RALGPS1: variants seen among roughly 807,000 people sequenced by gnomAD.
The protein encoded by RALGPS1 is ras-specific guanine nucleotide-releasing factor RalGPS1.
RALGPS1 carries 19 observed loss-of-function variants against 78.8 expected under a neutral mutation model. That is an observed-to-expected ratio of 0.24 (90% CI 0.17 to 0.35). The LOEUF (loss-of-function observed/expected upper bound fraction) is 0.35, where lower values mean the gene tolerates loss of function less well. Ranked by LOEUF, RALGPS1 falls within the 10% of genes least tolerant of loss-of-function variation. The pLI, the probability that RALGPS1 is intolerant of heterozygous loss-of-function variation, is 1.00. For synonymous variants in RALGPS1, 228 were observed against 256.3 expected (o/e 0.89, Z 1.06); for missense variants, 454 against 688.3 (o/e 0.66, Z 3.81).
At chr9:127,138,168 C>CA (rs1182419575) in intron 8 of RALGPS1, among the ~76,000 whole-genome samples, 14 of 152,228 alleles carry the variant, frequency 9.2e-5, no homozygotes, top group Non-Finnish European at 1.8e-4. Context: ...TTCATTTCCA[C>CA]AGACTTAATG....
At chr9:127,043,736 C>A (rs770995018) in intron 5 of RALGPS1, among the ~76,000 whole-genome samples, 13 of 152,130 alleles carry the variant, frequency 8.5e-5, no homozygotes, top group Non-Finnish European at 1.5e-4. Context: ...CCAAAATTTA[C>A]TCTTGAAACT....
intron 4 of RALGPS1, among the ~76,000 whole-genome samples, chr9:126,993,267 G>A (rs2042432001): frequency 6.6e-6 from 1 of 152,054 alleles, no homozygotes; most frequent in Non-Finnish European, 1.5e-5. Flanking sequence ...GTATATTGTT[G>A]GATTTGATTT....
At chr9:127,013,556 C>T (rs1222408160) in intron 4 of RALGPS1, among the ~76,000 whole-genome samples, 1 of 152,090 alleles carries the variant, frequency 6.6e-6, no homozygotes, top group Non-Finnish European at 1.5e-5. Flanking sequence ...ACCTGTCTGT[C>T]CCCAGTGCTA....
rs574111502 is a variant in RALGPS1, at chr9:127,133,176, C to T, written c.611-32893C>T. Among the ~76,000 whole-genome samples the T allele has an allele frequency of 5.9e-5, 9 of 152,342 alleles. No homozygotes were observed. The South Asian group carries it at 6.2e-4, about 11-fold the overall frequency. ...GCAGGGAAGGAGCCTGTGGAGAGAG[C>T]GGCGTGGCCCCATGGGGAGGGAATG... On this transcript the variant is annotated intron_variant, in intron 8 of 18. Coordinates refer to ENST00000259351, the MANE Select transcript of RALGPS1 (RefSeq NM_014636.3).
chr9:127,063,044 T>C (rs1423187759), intron 7 of RALGPS1, among the ~76,000 whole-genome samples: 1 of 152,214 alleles, frequency 6.6e-6, no homozygotes, highest in Non-Finnish European at 1.5e-5. Flanking sequence ...GAGCCAATTT[T>C]AACATATTTG....
chr9:127,178,337 T>C, intron 11 of RALGPS1: 2 of 548,586 alleles, frequency 3.6e-6, no homozygotes, highest in East Asian at 7.4e-5. Context: ...GGGCAAAAAA[T>C]GCAGCTGAAT....
intron 8 of RALGPS1, among the ~76,000 whole-genome samples, chr9:127,161,504 C>G (rs1238660069): frequency 6.6e-6 from 1 of 152,194 alleles, no homozygotes; most frequent in Non-Finnish European, 1.5e-5. Flanking sequence ...ACCACAGCTG[C>G]TTGTCATGTG....
intron 1 of RALGPS1, among the ~76,000 whole-genome samples, chr9:126,952,654 A>T (rs11789808): frequency 0.3 from 40,106 of 134,694 alleles, 7,253 homozygotes; most frequent in Non-Finnish European, 0.4. Flanking sequence ...AGAGAGAGAG[A>T]GAGTGTGTGT....
In RALGPS1 at chr9:127,145,040, T is replaced by G. The variant is rs575009541; in HGVS notation, c.611-21029T>G. Among the ~76,000 whole-genome samples the G allele has an allele frequency of 6.6e-5, 10 of 152,254 alleles. No individual in the cohort carries two copies. In the South Asian group the frequency reaches 2.1e-3, roughly 32 times the overall value. ...ATAGGTACTATGTTGGCAAAAATCA[T>G]GAAGGTGATATGTGAGTAAGGCAAA... On this transcript the variant is annotated intron_variant, in intron 8 of 18. Coordinates refer to ENST00000259351, the MANE Select transcript of RALGPS1 (RefSeq NM_014636.3).
intron 1 of RALGPS1, among the ~76,000 whole-genome samples, chr9:126,921,757 G>A (rs548428570): frequency 1.3e-5 from 2 of 152,314 alleles, no homozygotes; most frequent in East Asian, 1.9e-4. Context: ...GAGATAGTAC[G>A]CGCCTTTGTG....
intron 8 of RALGPS1, among the ~76,000 whole-genome samples, chr9:127,124,985 G>A (rs981707572): frequency 2.0e-5 from 3 of 152,048 alleles, no homozygotes; most frequent in African/African-American, 7.2e-5. Flanking sequence ...TGCCCCATCC[G>A]TCTTTGCACA....
chr9:126,925,631 T>C (rs962099105), intron 1 of RALGPS1, among the ~76,000 whole-genome samples: 1 of 152,020 alleles, frequency 6.6e-6, no homozygotes, highest in African/African-American at 2.4e-5. Context: ...GGCAGGAAGA[T>C]TGCTTGAGTC....
At chr9:127,053,003 C>T in intron 7 of RALGPS1, 64 bp downstream of exon 7, 1 of 1,109,032 alleles carries the variant, frequency 9.0e-7, no homozygotes, top group South Asian at 1.2e-5. Flanking sequence ...GTTCTTCATT[C>T]CACAAGCCCC....
intron 11 of RALGPS1, among the ~76,000 whole-genome samples, chr9:127,181,118 G>A (rs1045125502): frequency 6.6e-6 from 1 of 152,266 alleles, no homozygotes; most frequent in Non-Finnish European, 1.5e-5. Flanking sequence ...GGGCAGTCAC[G>A]AAAGCCTGCA....
chr9:126,991,886 C>T (rs563200294), intron 4 of RALGPS1, among the ~76,000 whole-genome samples: 14 of 152,252 alleles, frequency 9.2e-5, no homozygotes, highest in East Asian at 3.9e-4. Context: ...CAATAGGCAG[C>T]GCTGATAAGT....
At chr9:127,182,384 C>CCTTCCTCCCTTCCTTCCTCCCTTCCTT (rs2060310075) in intron 11 of RALGPS1, among the ~76,000 whole-genome samples, 1 of 31,770 alleles carries the variant, frequency 3.1e-5, no homozygotes, top group African/African-American at 1.4e-4. Context: ...CTCCCTCCCT[C>CCTTCCTCCCTTCCTTCCTCCCTTCCTT]CCTCCCTCCC....
chr9:127,201,498 C>A (rs778963692), intron 14 of RALGPS1, among the ~76,000 whole-genome samples: 32 of 152,234 alleles, frequency 2.1e-4, no homozygotes, highest in Admixed American at 2.1e-3. Context: ...TTCTTACATT[C>A]CCTGAAATAA....
At chr9:127,188,832 TAAAAAAAAAAA>T (rs202172226) in intron 11 of RALGPS1, among the ~76,000 whole-genome samples, 1 of 87,472 alleles carries the variant, frequency 1.1e-5, no homozygotes, top group African/African-American at 4.3e-5. Context: ...CCATCTCTAC[TAAAAAAAAAAA>T]AAAAAATGTA....
intron 4 of RALGPS1, among the ~76,000 whole-genome samples, chr9:126,995,392 T>TA (rs2042646814): frequency 6.6e-6 from 1 of 152,220 alleles, no homozygotes; most frequent in Admixed American, 6.5e-5. Context: ...TAGTCTCTCA[T>TA]AAAACAGACT....
Sources: allele counts gnomAD v4.1 joint callset (sites outside exome capture counted in the v4.1 genomes callset), GRCh38; gene constraint gnomAD v4.1.1; transcripts MANE v1.5; gene names NCBI Gene and HGNC (gene_info 2026-07-23, HGNC 2026-07-21).